Variants in POLB observed in about 807,000 individuals in gnomAD.
The protein encoded by POLB is 5'-dRP lyase.
Under a neutral mutation model 52.7 loss-of-function variants are expected in POLB, and 37 were observed. The ratio of observed to expected loss-of-function variants is 0.70; its 90% CI spans 0.54 to 0.92. The LOEUF (loss-of-function observed/expected upper bound fraction) is 0.92. Ranked by LOEUF, POLB falls within the 40% of genes least tolerant of loss-of-function variation. The pLI is 0.00. For synonymous variants in POLB, 138 were observed against 131.3 expected (o/e 1.05, Z -0.35); for missense variants, 313 against 400.8 (o/e 0.78, Z 1.87).
intron 13 of POLB, 35 bp downstream of exon 13, chr8:42,370,023 C>CCAGATGAGAGATG: frequency 6.5e-7 from 1 of 1,533,372 alleles, no homozygotes; most frequent in Non-Finnish European, 9.0e-7. Context: ...GATCATCTCT[C>CCAGATGAGAGATG]ATCTGGAGAG....
chr8:42,369,612 G>C (rs1824252727), intron 12 of POLB: 1 of 525,754 alleles, frequency 1.9e-6, no homozygotes, highest in Admixed American at 3.6e-5. Flanking sequence ...AGTTGTAATA[G>C]GTGATAATGC....
chr8:42,368,999 T>G, intron 11 of POLB: 1 of 259,384 alleles, frequency 3.9e-6, no homozygotes, highest in East Asian at 6.8e-5. Context: ...TGTTCAGGGT[T>G]TTCTTTGATT....
chr8:42,347,236 C>G (rs1822676949), intron 3 of POLB, among the ~76,000 whole-genome samples: 2 of 151,524 alleles, frequency 1.3e-5, no homozygotes, highest in South Asian at 4.2e-4. Flanking sequence ...GAGTTGCTAT[C>G]TAGCCCATTT....
At chr8:42,367,634 G>T (rs1435102218) in intron 11 of POLB, among the ~76,000 whole-genome samples, 1 of 152,000 alleles carries the variant, frequency 6.6e-6, no homozygotes, top group African/African-American at 2.4e-5. Context: ...AGTCTTAAAG[G>T]TATGCCTCTT....
At chr8:42,367,580 A>G (rs1296844291) in intron 11 of POLB, among the ~76,000 whole-genome samples, 1 of 152,186 alleles carries the variant, frequency 6.6e-6, no homozygotes, top group Non-Finnish European at 1.5e-5. Flanking sequence ...CTCATTCCAT[A>G]TCCCCTTTTT....
At chr8:42,360,763 AG>A (rs1823625309) in intron 9 of POLB, among the ~76,000 whole-genome samples, 1 of 151,302 alleles carries the variant, frequency 6.6e-6, no homozygotes. Flanking sequence ...AAAAAAAAAA[AG>A]AGAGTGCCTG....
At chr8:42,351,475 C>T (rs969805639) in intron 5 of POLB, among the ~76,000 whole-genome samples, 4 of 152,200 alleles carry the variant, frequency 2.6e-5, no homozygotes, top group African/African-American at 9.7e-5. Flanking sequence ...GTTCACCGCT[C>T]CTGCTTTATT....
Position 42,357,368 on chromosome 8 carries a change from A to C in POLB, c.526A>C (p.Thr176Pro). Residue 176 changes from threonine to proline, a missense_variant, in exon 9 of 14, where the codon ACA becomes CCA. Physicochemically the swap from Thr to Pro is conservative, Grantham distance 38. Transcript: ENST00000265421. ...VKKVDSEYIATVCGSFRRGAE... is the reference protein window; with the variant it reads ...VKKVDSEYIAPVCGSFRRGAE... The stretch of plus-strand genomic sequence containing the variant: ...AAAAGTGGATTCTGAATACATTGCT[A>C]CAGTCTGTGGCAGTTTCAGAAGAGG... 6.3e-7 allele frequency: 1 copy of C among 1,580,192 alleles called. No individual in the cohort carries two copies. Among genetic ancestry groups the C allele is most frequent in the Non-Finnish European group, 8.7e-7 (1 of 1,149,522 alleles).
chr8:42,358,253 A>G lies in POLB; in HGVS notation c.550+861A>G, dbSNP rs1585900489. Among the ~76,000 whole-genome samples the G allele has an allele frequency of 2.6e-5, 4 of 152,166 alleles. No individual in the cohort carries two copies. In the South Asian group the frequency reaches 8.3e-4, roughly 32 times the overall value. The stretch of plus-strand genomic sequence containing the variant: ...CGCGGTGGCTCACGCCTATAATCCC[A>G]GCACTTTGGGAGGCCGAGCCGGGCG... On this transcript the variant is annotated intron_variant, in intron 9 of 13. Coordinates refer to ENST00000265421, the MANE Select transcript of POLB (RefSeq NM_002690.3).
intron 11 of POLB, among the ~76,000 whole-genome samples, chr8:42,366,331 C>G (rs976485328): frequency 9.2e-5 from 14 of 152,102 alleles, no homozygotes; most frequent in Non-Finnish European, 1.5e-4. Context: ...CTGGTATTGC[C>G]AGGAAAGGCA....
chr8:42,355,555 G>A lies in POLB; in HGVS notation c.410G>A (p.Arg137Gln), dbSNP rs12678588. The A allele has an allele frequency of 3.3e-4, 520 of 1,591,400 alleles. 6 individuals carry two copies. The Admixed American group carries it at 5.3e-3, about 16-fold the overall frequency. ...KNEDKLNHHQ[R>Q]IGLKYFGDFE... ...GAAGATAAATTGAACCATCATCAGC[G>A]AATTGGGCTGAAGTAAGATGGCAGA... The change falls in exon 7 of 14, where the codon CGA (arginine) becomes CAA (glutamine). Residue 137 changes from arginine (R) to glutamine (Q), a missense_variant. Physicochemically the swap from Arg to Gln is conservative, Grantham distance 43 (BLOSUM62 1). This residue lies in a region of POLB where 246 missense variants were observed against 297.6 expected (regional missense o/e 0.83). Coordinates refer to ENST00000265421, the MANE Select transcript of POLB (RefSeq NM_002690.3).
chr8:42,338,809 G>C (rs1822011848), intron 1 of POLB, 124 bp downstream of exon 1: 1 of 1,076,856 alleles, frequency 9.3e-7, no homozygotes, highest in African/African-American at 1.6e-5. Flanking sequence ...GTCGTCTTCC[G>C]TGGGGATCTC....
intron 6 of POLB, among the ~76,000 whole-genome samples, chr8:42,354,759 G>A (rs1823195324): frequency 6.6e-6 from 1 of 151,774 alleles, no homozygotes; most frequent in South Asian, 2.1e-4. Flanking sequence ...GGTCAGGCTG[G>A]TCTCGAACTC....
chr8:42,369,966 C>T lies in POLB; in HGVS notation c.891C>T (p.Thr297=). ...LEKGFTINEY[T]IRPLGVTGVA... is the part of the protein sequence containing the mutation. ...AGGGTTTCACAATCAATGAGTACAC[C>T]ATCCGTCCCTTGGGAGTCACTGGTG... Residue 297 remains threonine, a synonymous_variant, in exon 13 of 14, where the codon ACC becomes ACT. Coordinates refer to ENST00000265421, the MANE Select transcript of POLB (RefSeq NM_002690.3). 1.2e-6 allele frequency: 2 copies of T among 1,609,600 alleles called. No individual in the cohort carries two copies. Among genetic ancestry groups the T allele is most frequent in the Admixed American group, 3.3e-5 (2 of 59,864 alleles).
intron 7 of POLB, among the ~76,000 whole-genome samples, chr8:42,356,386 G>T (rs1823317714): frequency 6.6e-6 from 1 of 152,190 alleles, no homozygotes. Context: ...TGAAGCATAT[G>T]CTTAGTTGCT....
chr8:42,350,281 G>T (rs1262843874), intron 5 of POLB, among the ~76,000 whole-genome samples: 1 of 151,990 alleles, frequency 6.6e-6, no homozygotes, highest in East Asian at 1.9e-4. Flanking sequence ...CCTCCTTCAT[G>T]AAACCAGTTT....
At chr8:42,343,321 CAAAA>C (rs1157325948) in intron 2 of POLB, among the ~76,000 whole-genome samples, 1 of 2,818 alleles carries the variant, frequency 3.5e-4, no homozygotes, top group Non-Finnish European at 8.7e-4. Flanking sequence ...GACTGCGTCT[CAAAA>C]AAAAAAAAAA....
At chr8:42,352,245 A>G (rs993497630) in intron 5 of POLB, among the ~76,000 whole-genome samples, 2 of 152,168 alleles carry the variant, frequency 1.3e-5, no homozygotes, top group Non-Finnish European at 2.9e-5. Context: ...TCTTAGTTCA[A>G]TGAATGAACA....
rs79458922 is a variant in POLB, at chr8:42,370,610, G to T, written c.913+622G>T. Among the ~76,000 whole-genome samples the T allele has an allele frequency of 6.4e-3, 981 of 152,116 alleles. 2 individuals carry two copies. The highest frequency in any genetic ancestry group is 0.011 in the Non-Finnish European group (744 of 67,980). On this transcript the variant is annotated intron_variant, in intron 13 of 13. Coordinates refer to ENST00000265421, the MANE Select transcript of POLB (RefSeq NM_002690.3). Reference sequence around the variant, plus strand: ...TCAGTGTGCATACCAGCAACATGGGGGCCTCACTAAATTCAGATTCTAATT... The same window carrying T: ...TCAGTGTGCATACCAGCAACATGGGTGCCTCACTAAATTCAGATTCTAATT...
Sources: gnomAD v4.1 joint callset for allele counts (sites outside exome capture counted in the v4.1 genomes callset) on GRCh38, gnomAD v4.1.1 for gene constraint, gnomAD v4.1.1 regional missense constraint, MANE v1.5 for transcripts, NCBI Gene and HGNC (gene_info 2026-07-23, HGNC 2026-07-21) for gene names.